Variants in USP10 observed in about 807,000 individuals in gnomAD.
USP10 encodes ubiquitin specific peptidase 10.
In USP10, 22 loss-of-function variants were observed where a neutral mutation model predicts 84.5. That is an observed-to-expected ratio of 0.26 (90% CI 0.19 to 0.37). The LOEUF (loss-of-function observed/expected upper bound fraction) is 0.37, where lower values mean the gene tolerates loss of function less well. USP10 is among the 10% of genes least tolerant of loss of function. The probability of loss-of-function intolerance (pLI) is 1.00; values close to 1 mark genes in which losing one functional copy is unlikely to be tolerated. For missense variants in USP10, 1,019 were observed against 998.9 expected, an observed-to-expected ratio of 1.02 and a Z score of -0.27; for synonymous variants, 454 against 387.6, an observed-to-expected ratio of 1.17 and a Z score of -2.01.
At chr16:84,744,035 A>T (rs116276921) in intron 3 of USP10, among the ~76,000 whole-genome samples, 1 of 150,040 alleles carries the variant, frequency 6.7e-6, no homozygotes, top group South Asian at 2.1e-4. Context: ...GCGCTTTTAT[A>T]TATAGGATTC....
At chr16:84,757,386 G>A (rs1256039330) in intron 4 of USP10, among the ~76,000 whole-genome samples, 1 of 127,222 alleles carries the variant, frequency 7.9e-6, no homozygotes, top group Non-Finnish European at 1.7e-5. Flanking sequence ...AGGAAGGAGG[G>A]AATGAGAGGG....
chr16:84,718,668 A>G (rs1907377063), intron 1 of USP10, among the ~76,000 whole-genome samples: 1 of 150,754 alleles, frequency 6.6e-6, no homozygotes, highest in Non-Finnish European at 1.5e-5. Context: ...AGGCAGGAGA[A>G]TTGCTTGAAC....
intron 1 of USP10, among the ~76,000 whole-genome samples, chr16:84,723,628 C>A (rs1162366082): frequency 6.6e-6 from 1 of 152,150 alleles, no homozygotes; most frequent in East Asian, 1.9e-4. Flanking sequence ...TTCAACAAAG[C>A]TATTTTGAGC....
intron 1 of USP10, among the ~76,000 whole-genome samples, chr16:84,720,893 ATTTTT>A (rs1192679893): frequency 1.0e-5 from 1 of 99,022 alleles, no homozygotes; most frequent in African/African-American, 3.8e-5. Flanking sequence ...ATGATGCACA[ATTTTT>A]TTTTTTTTTT....
At chr16:84,707,387 A>G (rs1023253063) in intron 1 of USP10, among the ~76,000 whole-genome samples, 63 of 152,298 alleles carry the variant, frequency 4.1e-4, no homozygotes, top group Admixed American at 3.5e-3. Context: ...TTTATTTTCT[A>G]GTATAAAGAC....
In USP10 at chr16:84,753,779, A is replaced by G. The variant is rs565520509; in HGVS notation, c.1193-4937A>G. On this transcript the variant is annotated intron_variant, in intron 4 of 13. Transcript: ENST00000219473. ...GCCGTAACCAACAACTTTAATCTCC[A>G]GATGTTTAATTGATCCTGTATTACT... Among the ~76,000 whole-genome samples, 4 of 152,392 alleles carry G rather than the reference A, an allele frequency of 2.6e-5. No homozygotes were observed. In the East Asian group the frequency reaches 7.7e-4, roughly 29 times the overall value.
intron 1 of USP10, among the ~76,000 whole-genome samples, chr16:84,715,484 T>A (rs1906890901): frequency 6.6e-6 from 1 of 151,656 alleles, no homozygotes; most frequent in Admixed American, 6.6e-5. Context: ...AGGAATAGGA[T>A]CTCCGCCTCC....
chr16:84,737,954 G>C (rs1910147283), intron 2 of USP10, among the ~76,000 whole-genome samples: 1 of 152,258 alleles, frequency 6.6e-6, no homozygotes, highest in African/African-American at 2.4e-5. Flanking sequence ...AGCGTCATCT[G>C]TGTATTTTTC....
chr16:84,711,431 C>T (rs1906275659), intron 1 of USP10, among the ~76,000 whole-genome samples: 2 of 152,120 alleles, frequency 1.3e-5, no homozygotes, highest in South Asian at 4.1e-4. Context: ...TATAATTCAT[C>T]CTGAAGCCTG....
chr16:84,743,177 A>G (rs1910822649), intron 3 of USP10, among the ~76,000 whole-genome samples: 1 of 152,224 alleles, frequency 6.6e-6, no homozygotes, highest in South Asian at 2.1e-4. Flanking sequence ...AAAGTAAGGA[A>G]ACAAAAAATA....
At chr16:84,714,011 A>G (rs925818938) in intron 1 of USP10, among the ~76,000 whole-genome samples, 3 of 152,214 alleles carry the variant, frequency 2.0e-5, no homozygotes, top group African/African-American at 4.8e-5. Flanking sequence ...TTTAGCCTGA[A>G]AAGTTCTGGG....
At chr16:84,737,073 C>T (rs1260125932) in intron 2 of USP10, among the ~76,000 whole-genome samples, 1 of 152,222 alleles carries the variant, frequency 6.6e-6, no homozygotes, top group African/African-American at 2.4e-5. Context: ...CAGGCGTGAG[C>T]CACCACGCCC....
intron 4 of USP10, among the ~76,000 whole-genome samples, chr16:84,748,965 A>T (rs1479303564): frequency 6.6e-6 from 1 of 152,198 alleles, no homozygotes; most frequent in African/African-American, 2.4e-5. Context: ...AGTTATGAAG[A>T]TGTTTTAATT....
chr16:84,710,027 T>A (rs1906068563), intron 1 of USP10, among the ~76,000 whole-genome samples: 1 of 152,200 alleles, frequency 6.6e-6, no homozygotes, highest in Admixed American at 6.5e-5. Flanking sequence ...CCCAGCACTT[T>A]GGGAGACCGA....
intron 1 of USP10, among the ~76,000 whole-genome samples, chr16:84,719,027 A>C (rs1907433109): frequency 6.6e-6 from 1 of 151,860 alleles, no homozygotes; most frequent in Non-Finnish European, 1.5e-5. Context: ...CCTGACCTCA[A>C]ATGATCCACC....
intron 1 of USP10, among the ~76,000 whole-genome samples, chr16:84,704,372 A>G (rs1006387513): frequency 6.6e-6 from 1 of 152,262 alleles, no homozygotes; most frequent in African/African-American, 2.4e-5. Context: ...ACATGCAAGA[A>G]TCACCATCGC....
At chr16:84,758,056 CAGAA>C (rs938428738) in intron 4 of USP10, among the ~76,000 whole-genome samples, 2 of 152,202 alleles carry the variant, frequency 1.3e-5, no homozygotes, top group African/African-American at 2.4e-5. Context: ...TTTTAATACA[CAGAA>C]AGAGTGATGT....
chr16:84,727,229 T>C (rs1364427288), intron 1 of USP10, among the ~76,000 whole-genome samples: 1 of 152,242 alleles, frequency 6.6e-6, no homozygotes, highest in African/African-American at 2.4e-5. Context: ...GCAAAACTAA[T>C]TCATGTCATC....
At chr16:84,731,135 A>G (rs1909171669) in intron 1 of USP10, among the ~76,000 whole-genome samples, 1 of 151,990 alleles carries the variant, frequency 6.6e-6, no homozygotes. Flanking sequence ...GCATGCCACC[A>G]TGCCCGGCTA....
Sources: gnomAD v4.1 joint callset for allele counts (sites outside exome capture counted in the v4.1 genomes callset) on GRCh38, gnomAD v4.1.1 for gene constraint, MANE v1.5 for transcripts, NCBI Gene and HGNC (gene_info 2026-07-23, HGNC 2026-07-21) for gene names.